The following TNRC18 variants were observed in gnomAD, a reference collection of about 807,000 sequenced individuals.
TNRC18 encodes the protein trinucleotide repeat containing 18.
A neutral mutation model predicts 226.7 loss-of-function variants in TNRC18; 69 were observed. The ratio of observed to expected loss-of-function variants is 0.30; its 90% confidence interval spans 0.25 to 0.37. The LOEUF (loss-of-function observed/expected upper bound fraction) is 0.37. Ranked by LOEUF, TNRC18 falls within the 10% of genes least tolerant of loss-of-function variation. The pLI is 1.00. For missense variants in TNRC18, 4,754 were observed against 4,256.6 expected, an observed-to-expected ratio of 1.12 and a Z score of -3.25; for synonymous variants, 2,449 against 1,927.6, an observed-to-expected ratio of 1.27 and a Z score of -7.09.
Position 5,370,754 on chromosome 7 carries a change from C to T in TNRC18, c.3840G>A (p.Ala1280=), listed in dbSNP as rs752824913. Residue 1280 remains alanine (A), a synonymous_variant, in exon 11 of 30, where the codon GCG becomes GCA. Transcript: ENST00000430969. ...GCTGGGACTCGCTCGGTGCCACCTG[C>T]GCCAGGCCTTCCTCGGGCACTGCCT... ...VVEAVPEEGL[A]QVAPSESQPT... 1.7e-5 allele frequency: 28 copies of T among 1,604,210 alleles called. No homozygotes were observed. Among genetic ancestry groups the T allele is most frequent in the African/African-American group, 2.7e-5 (2 of 74,680 alleles).
chr7:5,308,369 C>T, intron 29 of TNRC18, 57 bp from the exon 30 acceptor site: 1 of 1,510,446 alleles, frequency 6.6e-7, no homozygotes, highest in Non-Finnish European at 9.0e-7. Flanking sequence ...GCCGAGGGAG[C>T]CCCAGGGAGC....
intron 3 of TNRC18, among the ~76,000 whole-genome samples, chr7:5,391,683 G>A (rs1780309636): frequency 7.1e-6 from 1 of 140,656 alleles, no homozygotes; most frequent in South Asian, 2.2e-4. Context: ...TAGCCATGGA[G>A]AGAGGAGAAG....
intron 17 of TNRC18, among the ~76,000 whole-genome samples, chr7:5,350,670 C>G (rs760773170): frequency 4.6e-5 from 7 of 152,200 alleles, no homozygotes; most frequent in Non-Finnish European, 8.8e-5. Context: ...TGGGGCATTT[C>G]TGGTTGAAGG....
rs748239026 is a variant in TNRC18 at position 5,361,910 on chromosome 7, G to A, written c.4519C>T (p.Arg1507Cys). Residue 1507 changes from arginine (R) to cysteine (C), a missense_variant, in exon 13 of 30, where the codon CGC becomes TGC. By Grantham distance (180) the Arg-to-Cys change is radical. Coordinates refer to ENST00000430969, the MANE Select transcript of TNRC18 (RefSeq NM_001080495.3). The part of the protein sequence containing the change: ...KQRELVKLQR[R>C]RDSEDRREEP... ...GGACACACTCACTCGGAGTCCCGGC[G>A]GCGCTGCAGCTTCACCAGCTCACGC... The A allele has an allele frequency of 7.6e-6, 12 of 1,575,818 alleles. No individual in the cohort carries two copies. The highest frequency in any genetic ancestry group is 2.1e-4 in the Middle Eastern group (1 of 4,800).
chr7:5,334,013 C>T (rs934239713), intron 18 of TNRC18, among the ~76,000 whole-genome samples: 5 of 152,190 alleles, frequency 3.3e-5, no homozygotes, highest in African/African-American at 1.2e-4. Flanking sequence ...GTAGATGGCA[C>T]TGCTCCCCAG....
At chr7:5,393,805 C>G (rs1487552490) in intron 3 of TNRC18, among the ~76,000 whole-genome samples, 2 of 152,126 alleles carry the variant, frequency 1.3e-5, no homozygotes, top group African/African-American at 2.4e-5. Context: ...CTGCAGAGCC[C>G]CTACATTGAG....
At chr7:5,338,540 C>G (rs1014453090) in intron 18 of TNRC18, among the ~76,000 whole-genome samples, 2 of 148,092 alleles carry the variant, frequency 1.4e-5, no homozygotes, top group Non-Finnish European at 3.0e-5. Context: ...GAGGTCAGGA[C>G]CAGCCTGGGC....
At chr7:5,331,194 T>C (rs1053898851) in intron 19 of TNRC18, among the ~76,000 whole-genome samples, 7 of 152,154 alleles carry the variant, frequency 4.6e-5, no homozygotes, top group African/African-American at 1.4e-4. Flanking sequence ...TATTTGAGGG[T>C]TCCTCCTATA....
At chr7:5,372,699 A>C (rs1184064117) in intron 10 of TNRC18, among the ~76,000 whole-genome samples, 1 of 151,962 alleles carries the variant, frequency 6.6e-6, no homozygotes, top group Non-Finnish European at 1.5e-5. Context: ...TGGGTGACAG[A>C]GTGAGACTCT....
chr7:5,340,468 G>A (rs1790575103), intron 18 of TNRC18, among the ~76,000 whole-genome samples: 1 of 152,188 alleles, frequency 6.6e-6, no homozygotes, highest in Non-Finnish European at 1.5e-5. Flanking sequence ...TGGGCACGGT[G>A]GCTCACGCCT....
chr7:5,357,716 T>C (rs1319178138), intron 15 of TNRC18, among the ~76,000 whole-genome samples: 1 of 152,198 alleles, frequency 6.6e-6, no homozygotes, highest in African/African-American at 2.4e-5. Context: ...CTCAAACTTT[T>C]AGGCTCAAGC....
rs1223709391 is a variant in TNRC18 at position 5,376,985 on chromosome 7, G to T, written c.2470C>A (p.Pro824Thr). Reference protein sequence around the residue: ...WLAGHPYGLGPPSLHQGMAPA... With the variant: ...WLAGHPYGLGTPSLHQGMAPA... ...GCCATGCCCTGGTGCAGAGATGGGG[G>T]ACCCAAGCCTAGGAGGAGAAGCCCA... The change falls in exon 8 of 30, where the codon CCC becomes ACC. Residue 824 changes from proline (P) to threonine (T), a missense_variant. Coordinates refer to ENST00000430969, the MANE Select transcript of TNRC18 (RefSeq NM_001080495.3). 4.4e-6 allele frequency: 7 copies of T among 1,580,516 alleles called. No individual in the cohort carries two copies. The African/African-American group carries it at 5.4e-5, about 12-fold the overall frequency.
intron 24 of TNRC18, among the ~76,000 whole-genome samples, chr7:5,319,338 G>A (rs1788126103): frequency 6.6e-6 from 1 of 152,074 alleles, no homozygotes; most frequent in African/African-American, 2.4e-5. Context: ...ATGTGAGTGG[G>A]CTTTTTTTTT....
Position 5,307,831 on chromosome 7 carries a change from A to C in TNRC18, c.*275T>G. On this transcript the variant is annotated 3_prime_UTR_variant, in exon 30 of 30. Coordinates refer to ENST00000430969, the MANE Select transcript of TNRC18 (RefSeq NM_001080495.3). Reference sequence around the variant, plus strand: ...AGTGCTTGCAACGTGCTGGGCAGGAAGGGCCGGTCCGGCCATACCCTGATA... The same window carrying C: ...AGTGCTTGCAACGTGCTGGGCAGGACGGGCCGGTCCGGCCATACCCTGATA... 2 of 502,022 alleles carry C rather than the reference A, an allele frequency of 4.0e-6. No homozygotes were observed. The highest frequency in any genetic ancestry group is 7.3e-6 in the Non-Finnish European group (2 of 274,178). The allele number at this position is 502,022 out of a possible 1,614,324, so 31.1% of individuals were successfully genotyped here. A position where few individuals can be genotyped will look rare whatever the true frequency, so the allele number is the denominator to read the frequency against.
rs901947412 is a variant in TNRC18 at position 5,370,561 on chromosome 7, G to A, written c.4033C>T (p.Leu1345=). ...LEDPLAGMNA[L]AAAAELPQAR... ...TGGGGCAGCTCCGCAGCTGCCGCCAGGGCGTTCATGCCAGCCAGTGGGTCC... is the reference window on the plus strand; with the variant it reads ...TGGGGCAGCTCCGCAGCTGCCGCCAAGGCGTTCATGCCAGCCAGTGGGTCC... Residue 1345 remains leucine (L), a synonymous_variant, in exon 11 of 30, where the codon CTG becomes TTG. Transcript: ENST00000430969. 5.6e-6 allele frequency: 9 copies of A among 1,611,276 alleles called. No homozygotes were observed. The highest frequency in any genetic ancestry group is 1.7e-5 in the Admixed American group (1 of 59,652).
chr7:5,388,341 C>T lies in TNRC18; in HGVS notation c.1483G>A (p.Gly495Ser), dbSNP rs1309348630. 6.3e-7 allele frequency: 1 copy of T among 1,591,250 alleles called. No individual in the cohort carries two copies. Among genetic ancestry groups the T allele is most frequent in the Non-Finnish European group, 8.5e-7 (1 of 1,170,854 alleles). Reference protein sequence around the residue: ...PAAQQAAKLFGLEPGRPPPTG... With the variant: ...PAAQQAAKLFSLEPGRPPPTG... ...GGCGGGGGGCGCCCGGGCTCCAGGC[C>T]GAAGAGCTTGGCGGCCTGTTGGGCT... Residue 495 changes from glycine (G) to serine (S), a missense_variant, in exon 5 of 30, where the codon GGC (glycine) becomes AGC (serine). Gly to Ser is a moderately conservative substitution (Grantham distance 56). Transcript: ENST00000430969.
At chr7:5,326,991 GCACA>G (rs1788984170) in intron 19 of TNRC18, among the ~76,000 whole-genome samples, 1 of 152,060 alleles carries the variant, frequency 6.6e-6, no homozygotes, top group East Asian at 1.9e-4. Context: ...GGGCATGGTG[GCACA>G]CGCCTGTAGT....
In TNRC18 at chr7:5,388,512, G is replaced by C. The variant is rs1416483444; in HGVS notation, c.1312C>G (p.Arg438Gly). The C allele has an allele frequency of 3.8e-6, 5 of 1,326,648 alleles. No homozygotes were observed. The East Asian group carries it at 1.0e-4, about 28-fold the overall frequency. The allele number at this position is 1,326,648 out of a possible 1,614,324, so 82.2% of individuals were successfully genotyped here. A position where few individuals can be genotyped will look rare whatever the true frequency, so the allele number is the denominator to read the frequency against. ...GTGGGGGCATCCGCGGGGGGCGGCC[G>C]CTTGAGCGAGCGGATGACCGAGTTC... is the stretch of plus-strand genomic sequence containing the variant. ...EKNSVIRSLK[R>G]PPPADAPTVR... The change falls in exon 5 of 30, where the codon CGG (arginine) becomes GGG (glycine). Residue 438 changes from arginine (R) to glycine (G), a missense_variant. Transcript: ENST00000430969.
At chr7:5,330,029 C>A in intron 19 of TNRC18, 1 of 470,726 alleles carries the variant, frequency 2.1e-6, no homozygotes, top group South Asian at 1.6e-5. Flanking sequence ...GGAAAATCAC[C>A]CCACATCTCA....
Sources: gnomAD v4.1 joint callset for allele counts (sites outside exome capture counted in the v4.1 genomes callset) on GRCh38, gnomAD v4.1.1 for gene constraint, MANE v1.5 for transcripts, NCBI Gene and HGNC (gene_info 2026-07-23, HGNC 2026-07-21) for gene names.